ETV6: variants seen among roughly 807,000 people sequenced by gnomAD.
ETV6 encodes ETS variant transcription factor 6, also known as transcription factor ETV6.
ETV6 carries 16 observed loss-of-function variants against 51.1 expected under a neutral mutation model. The observed-to-expected ratio is 0.31, with a 90% CI of 0.21 to 0.48. The LOEUF is 0.48. Ranked by LOEUF, ETV6 falls within the 20% of genes least tolerant of loss-of-function variation. ETV6 has a pLI of 0.99. For missense variants in ETV6, 458 were observed against 594.8 expected, an observed-to-expected ratio of 0.77 and a Z score of 2.39; for synonymous variants, 240 against 224.1, an observed-to-expected ratio of 1.07 and a Z score of -0.64.
intron 2 of ETV6, among the ~76,000 whole-genome samples, chr12:11,772,438 C>T (rs1244736125): frequency 6.6e-6 from 1 of 152,166 alleles, no homozygotes; most frequent in African/African-American, 2.4e-5. Context: ...TGTGCCCATG[C>T]CTGGCCTTGG....
At chr12:11,720,166 G>A (rs1452381640) in intron 1 of ETV6, among the ~76,000 whole-genome samples, 1 of 152,200 alleles carries the variant, frequency 6.6e-6, no homozygotes, top group Non-Finnish European at 1.5e-5. Context: ...AGGGGCTTCT[G>A]AGGATGGTGT....
chr12:11,767,050 AAAG>A (rs1945171364), intron 2 of ETV6, among the ~76,000 whole-genome samples: 1 of 152,212 alleles, frequency 6.6e-6, no homozygotes, highest in South Asian at 2.1e-4. Context: ...AGGCTAGGAG[AAAG>A]AAGGATGGCG....
intron 2 of ETV6, among the ~76,000 whole-genome samples, chr12:11,755,595 G>A (rs11054443): frequency 0.59 from 89,385 of 151,946 alleles, 26,662 homozygotes; most frequent in Admixed American, 0.7. Context: ...TAGCCCCTAC[G>A]ATGACTGAAG....
chr12:11,839,317 ACT>A lies in ETV6; in HGVS notation c.328+16_328+17del. 6.2e-7 allele frequency: 1 copy of A among 1,604,272 alleles called. No homozygotes were observed. Among genetic ancestry groups the A allele is most frequent in the Non-Finnish European group, 8.5e-7 (1 of 1,173,238 alleles). On this transcript the variant is annotated intron_variant, in intron 3 of 7. Transcript: ENST00000396373. ...TCTCCTCATTCAGGTGAGAGTCTGG[ACT>A]CTTGGCATATGCCCAACTTGGAAAG...
intron 1 of ETV6, among the ~76,000 whole-genome samples, chr12:11,752,135 C>T (rs953866765): frequency 2.0e-5 from 3 of 152,158 alleles, no homozygotes; most frequent in Non-Finnish European, 4.4e-5. Flanking sequence ...TTCTCGCGGA[C>T]GTATTTTTTT....
At chr12:11,665,654 T>G (rs550428472) in intron 1 of ETV6, among the ~76,000 whole-genome samples, 2 of 152,228 alleles carry the variant, frequency 1.3e-5, no homozygotes, top group African/African-American at 4.8e-5. Flanking sequence ...CCAGGCTCTT[T>G]GATATGTAAG....
intron 2 of ETV6, among the ~76,000 whole-genome samples, chr12:11,776,609 A>T (rs556818519): frequency 4.0e-4 from 61 of 152,290 alleles, no homozygotes; most frequent in African/African-American, 1.4e-3. Context: ...CATTCTTTCT[A>T]TCTGACACAC....
intron 2 of ETV6, among the ~76,000 whole-genome samples, chr12:11,811,585 C>T (rs192723969): frequency 6.6e-6 from 1 of 152,074 alleles, no homozygotes; most frequent in Non-Finnish European, 1.5e-5. Context: ...TAAATCCCTT[C>T]CTGGATGCTT....
At chr12:11,852,823 G>C (rs1565552286) in intron 3 of ETV6, among the ~76,000 whole-genome samples, 1 of 152,164 alleles carries the variant, frequency 6.6e-6, no homozygotes, top group Non-Finnish European at 1.5e-5. Flanking sequence ...TATTAACAGG[G>C]CTTCTGTATC....
chr12:11,872,112 A>G (rs1386375038), intron 5 of ETV6, among the ~76,000 whole-genome samples: 1 of 152,204 alleles, frequency 6.6e-6, no homozygotes, highest in Non-Finnish European at 1.5e-5. Flanking sequence ...TATAATTCTC[A>G]GGACCGCTCT....
intron 2 of ETV6, among the ~76,000 whole-genome samples, chr12:11,773,569 TC>T (rs1428895474): frequency 6.6e-6 from 1 of 152,202 alleles, no homozygotes; most frequent in Non-Finnish European, 1.5e-5. Context: ...AAGGAAGAGA[TC>T]CATGATAGCT....
Position 11,893,647 on chromosome 12 carries a change from C to CTT in ETV6, c.*2602_*2603dup. On this transcript the variant is annotated 3_prime_UTR_variant, in exon 8 of 8. Coordinates refer to ENST00000396373, the MANE Select transcript of ETV6 (RefSeq NM_001987.5). ...CACACCTAACAAACACATTTGCTTTCTTATGGTTCAATGTACACAAACTGT... is the reference window on the plus strand; with the variant it reads ...CACACCTAACAAACACATTTGCTTTCTTTTATGGTTCAATGTACACAAACTGT... The CTT allele has an allele frequency of 4.3e-6, 1 of 230,868 alleles. No homozygotes were observed. Among genetic ancestry groups the CTT allele is most frequent in the East Asian group, 6.2e-5 (1 of 16,236 alleles). 14.3% of individuals were successfully genotyped at this position (230,868 alleles called of 1,614,324 possible). A position where few individuals can be genotyped will look rare whatever the true frequency, so the allele number is the denominator to read the frequency against.
chr12:11,869,418 C>T lies in ETV6; in HGVS notation c.464-6C>T. The T allele has an allele frequency of 1.3e-6, 2 of 1,598,600 alleles. No homozygotes were observed. Among genetic ancestry groups the T allele is most frequent in the Middle Eastern group, 1.7e-4 (1 of 5,996 alleles). Reference sequence around the variant, plus strand: ...GTCTGTGATTGTCTTTCCCTCTGCTCCACAGATAACTGTGTCCAGAGGACC... The same window carrying T: ...GTCTGTGATTGTCTTTCCCTCTGCTTCACAGATAACTGTGTCCAGAGGACC... On this transcript the variant is annotated splice_polypyrimidine_tract_variant and splice_region_variant and intron_variant, in intron 4 of 7. Coordinates refer to ENST00000396373, the MANE Select transcript of ETV6 (RefSeq NM_001987.5). This position sits in a 1 kb window ranked among gnomAD's most constrained non-coding sequence, Gnocchi z 5.0.
intron 1 of ETV6, among the ~76,000 whole-genome samples, chr12:11,652,351 T>C (rs191208477): frequency 1.2e-3 from 189 of 152,358 alleles, no homozygotes; most frequent in Non-Finnish European, 2.2e-3. Context: ...TTCCAGGTCA[T>C]CTGAAATGTT....
At chr12:11,887,135 CAGAATAGA>C (rs1462297745) in intron 7 of ETV6, among the ~76,000 whole-genome samples, 3 of 152,124 alleles carry the variant, frequency 2.0e-5, no homozygotes, top group Admixed American at 2.0e-4. Flanking sequence ...GAAAGGGAAA[CAGAATAGA>C]AGGAATAAAA....
rs1349674201 is a variant in ETV6, at chr12:11,891,977, T to C, written c.*931T>C. 8.5e-6 allele frequency: 2 copies of C among 234,826 alleles called. No homozygotes were observed. Among genetic ancestry groups the C allele is most frequent in the Non-Finnish European group, 1.7e-5 (2 of 119,092 alleles). 14.5% of individuals were successfully genotyped at this position (234,826 alleles called of 1,614,324 possible). The stretch of plus-strand genomic sequence containing the variant: ...AAGGCGTAAGATAAGGATGGAAGGC[T>C]GTCCAAGTTATTTGGAAGGCCTCGG... On this transcript the variant is annotated 3_prime_UTR_variant, in exon 8 of 8. Coordinates refer to ENST00000396373, the MANE Select transcript of ETV6 (RefSeq NM_001987.5).
intron 1 of ETV6, among the ~76,000 whole-genome samples, chr12:11,667,266 A>G (rs541982709): frequency 5.3e-5 from 8 of 152,256 alleles, no homozygotes; most frequent in South Asian, 4.1e-4. Flanking sequence ...ATGGACTTCA[A>G]GTTTCCTCCA....
At position 11,797,229 on chromosome 12, in the gene ETV6, C is replaced by T. The variant is rs144705308; in HGVS notation, c.164-41911C>T. Reference sequence around the variant, plus strand: ...TCAGACAGTGTACCTAGCAATAGTCCCGGCACTGGGAACACAGAAATGAAA... The same window carrying T: ...TCAGACAGTGTACCTAGCAATAGTCTCGGCACTGGGAACACAGAAATGAAA... On this transcript the variant is annotated intron_variant, in intron 2 of 7. Coordinates refer to ENST00000396373, the MANE Select transcript of ETV6 (RefSeq NM_001987.5). 2.7e-3 allele frequency among the ~76,000 whole-genome samples: 410 copies of T among 152,002 alleles called. 18 individuals are homozygous for T. The South Asian group carries it at 0.069, about 26-fold the overall frequency.
At chr12:11,657,873 C>G (rs1864029761) in intron 1 of ETV6, among the ~76,000 whole-genome samples, 1 of 152,178 alleles carries the variant, frequency 6.6e-6, no homozygotes, top group Non-Finnish European at 1.5e-5. Context: ...AGCTGACTTC[C>G]CTTCAGGAGA....
Sources: gnomAD v4.1 joint callset for allele counts (sites outside exome capture counted in the v4.1 genomes callset) on GRCh38, gnomAD v4.1.1 for gene constraint, Gnocchi (gnomAD v3.1) non-coding constraint, MANE v1.5 for transcripts, NCBI Gene and HGNC (gene_info 2026-07-23, HGNC 2026-07-21) for gene names.